The following ARID1A variants were observed in gnomAD, a reference collection of about 807,000 sequenced individuals.
The protein encoded by ARID1A is AT-rich interactive domain-containing protein 1A.
In ARID1A, 20 loss-of-function variants were observed where a neutral mutation model predicts 212.6. The ratio of observed to expected loss-of-function variants is 0.09; its 90% CI spans 0.07 to 0.14. The LOEUF is 0.14. Among genes scored for constraint, ARID1A ranks in the 10% least tolerant of loss-of-function variants. ARID1A has a pLI of 1.00. For synonymous variants in ARID1A, 1,376 were observed against 1,222.1 expected (o/e 1.13, Z -2.63); for missense variants, 2,587 against 3,059.0 (o/e 0.85, Z 3.64).
At chr1:26,701,631 T>G (rs1488111995) in intron 1 of ARID1A, among the ~76,000 whole-genome samples, 2 of 152,218 alleles carry the variant, frequency 1.3e-5, no homozygotes, top group Admixed American at 1.3e-4. Flanking sequence ...GCCTTCTCAC[T>G]CTAAGATGCT....
intron 4 of ARID1A, among the ~76,000 whole-genome samples, chr1:26,743,550 A>G (rs775036096): frequency 9.2e-5 from 14 of 151,948 alleles, no homozygotes; most frequent in South Asian, 2.1e-4. Context: ...AAATTAGAAC[A>G]TTTGGCTGGG....
intron 1 of ARID1A, among the ~76,000 whole-genome samples, chr1:26,698,601 C>T (rs2124747430): frequency 6.6e-6 from 1 of 152,326 alleles, no homozygotes; most frequent in East Asian, 1.9e-4. Context: ...TTTTATGCAG[C>T]CTGAAATGAA....
At chr1:26,707,395 G>T (rs1210000884) in intron 1 of ARID1A, among the ~76,000 whole-genome samples, 1 of 151,896 alleles carries the variant, frequency 6.6e-6, no homozygotes, top group African/African-American at 2.4e-5. Context: ...TTTTAGTAGA[G>T]ATGGGGTTTC....
At chr1:26,762,583 A>G (rs970568202) in intron 7 of ARID1A, among the ~76,000 whole-genome samples, 6 of 152,224 alleles carry the variant, frequency 3.9e-5, no homozygotes, top group African/African-American at 1.4e-4. Flanking sequence ...ACCATTGAGC[A>G]CAGACAATTT....
At chr1:26,725,537 A>G (rs1557588812) in intron 1 of ARID1A, among the ~76,000 whole-genome samples, 1 of 152,210 alleles carries the variant, frequency 6.6e-6, no homozygotes, top group Non-Finnish European at 1.5e-5. Flanking sequence ...AATAAGCTGC[A>G]TATTCTGTTG....
chr1:26,744,157 T>C (rs2080815000), intron 4 of ARID1A, among the ~76,000 whole-genome samples: 1 of 152,216 alleles, frequency 6.6e-6, no homozygotes, highest in African/African-American at 2.4e-5. Flanking sequence ...TCTAGAACGC[T>C]GGTTCTCTGG....
At chr1:26,754,273 A>T (rs2080909362) in intron 4 of ARID1A, among the ~76,000 whole-genome samples, 1 of 152,186 alleles carries the variant, frequency 6.6e-6, no homozygotes, top group African/African-American at 2.4e-5. Flanking sequence ...TAATAAAAGG[A>T]TGTGGAGCTG....
intron 1 of ARID1A, among the ~76,000 whole-genome samples, chr1:26,700,890 G>T (rs756462858): frequency 2.8e-4 from 42 of 152,340 alleles, no homozygotes; most frequent in Admixed American, 1.2e-3. Context: ...TCATGAGAGA[G>T]CTGGGGTGAT....
chr1:26,742,156 A>T (rs1039772804), intron 4 of ARID1A, among the ~76,000 whole-genome samples: 5 of 152,216 alleles, frequency 3.3e-5, no homozygotes, highest in African/African-American at 4.8e-5. Context: ...CTTCATTTTT[A>T]GGCAAAAAAC....
At chr1:26,699,385 A>C (rs1245954017) in intron 1 of ARID1A, among the ~76,000 whole-genome samples, 1 of 152,188 alleles carries the variant, frequency 6.6e-6, no homozygotes, top group Non-Finnish European at 1.5e-5. Flanking sequence ...AAGAGGGGGA[A>C]GCTCCATTCA....
At chr1:26,777,671 G>A (rs1171581354) in intron 19 of ARID1A, among the ~76,000 whole-genome samples, 4 of 152,144 alleles carry the variant, frequency 2.6e-5, no homozygotes, top group African/African-American at 9.7e-5. Flanking sequence ...AGTGGCTCAC[G>A]CCTGTAATCC....
At chr1:26,752,087 G>A (rs537895587) in intron 4 of ARID1A, among the ~76,000 whole-genome samples, 25 of 152,278 alleles carry the variant, frequency 1.6e-4, no homozygotes, top group African/African-American at 5.8e-4. Flanking sequence ...CCAAACCATG[G>A]AGGTAGTCCA....
chr1:26,733,794 T>C (rs1178681858), intron 4 of ARID1A, among the ~76,000 whole-genome samples: 1 of 152,360 alleles, frequency 6.6e-6, no homozygotes, highest in Non-Finnish European at 1.5e-5. Flanking sequence ...AAGAATCTTT[T>C]GGAATTTTGA....
At chr1:26,699,958 T>G (rs116435550) in intron 1 of ARID1A, among the ~76,000 whole-genome samples, 294 of 152,332 alleles carry the variant, frequency 1.9e-3, no homozygotes, top group African/African-American at 6.8e-3. Flanking sequence ...CCTGTTTGGA[T>G]GCCTGTCTGT....
In ARID1A at chr1:26,696,686, G is replaced by T. The variant is rs2124741135; in HGVS notation, c.283G>T (p.Gly95Cys). The change falls in exon 1 of 20, where the codon GGC (glycine) becomes TGC (cysteine). Residue 95 changes from glycine to cysteine, a missense_variant. Physicochemically the swap from Gly to Cys is radical, Grantham distance 159. Around this residue, in one of 11 missense-constraint regions of ARID1A, gnomAD observed 735 missense variants for 590.6 expected, o/e 1.24. Coordinates refer to ENST00000324856, the MANE Select transcript of ARID1A (RefSeq NM_006015.6). Reference sequence around the variant, plus strand: ...CGGAGCCGGCAGCGGCGGCGGGCCCGGCGCGGAGCCGGACCTGAAGAACTC... The same window carrying T: ...CGGAGCCGGCAGCGGCGGCGGGCCCTGCGCGGAGCCGGACCTGAAGAACTC... ...GGGAGSGGGP[G>C]AEPDLKNSNG... 2 of 1,321,878 alleles carry T rather than the reference G, an allele frequency of 1.5e-6. No homozygotes were observed. The highest frequency in any genetic ancestry group is 9.6e-7 in the Non-Finnish European group (1 of 1,037,286). 81.9% of individuals were successfully genotyped at this position (1,321,878 alleles called of 1,614,324 possible). A position where few individuals can be genotyped will look rare whatever the true frequency, so the allele number is the denominator to read the frequency against.
intron 1 of ARID1A, among the ~76,000 whole-genome samples, chr1:26,707,485 GCA>G (rs2124758505): frequency 6.6e-6 from 1 of 152,122 alleles, no homozygotes; most frequent in African/African-American, 2.4e-5. Context: ...GGGATTACAG[GCA>G]TAAGCCACCA....
Position 26,771,347 on chromosome 1 carries a change from C to G in ARID1A, c.3406+21C>G, listed in dbSNP as rs926773546. On this transcript the variant is annotated intron_variant, in intron 12 of 19. Transcript: ENST00000324856. The surrounding 1 kb of genome is among the most constrained non-coding windows in gnomAD (Gnocchi z 5.4). ...TCCTGGTAAGGATGGGGTCAGCGGC[C>G]CCACCAAGGCTGAGAGGGCCTGTTG... 3.7e-6 allele frequency: 6 copies of G among 1,611,328 alleles called. No individual in the cohort carries two copies. The highest frequency in any genetic ancestry group is 5.1e-6 in the Non-Finnish European group (6 of 1,177,796).
intron 1 of ARID1A, among the ~76,000 whole-genome samples, chr1:26,704,392 TAAAAC>T (rs1405179508): frequency 6.6e-6 from 1 of 152,084 alleles, no homozygotes; most frequent in Non-Finnish European, 1.5e-5. Flanking sequence ...TGACCTTTCT[TAAAAC>T]AAGAGCCACG....
At chr1:26,763,790 T>G (rs975486120) in intron 8 of ARID1A, among the ~76,000 whole-genome samples, 10 of 151,892 alleles carry the variant, frequency 6.6e-5, no homozygotes, top group African/African-American at 2.2e-4. Context: ...GTGGGGTGTT[T>G]TATTTTGGGG....
Sources: allele counts gnomAD v4.1 joint callset (sites outside exome capture counted in the v4.1 genomes callset), GRCh38; gene constraint gnomAD v4.1.1; regional missense constraint gnomAD v4.1.1; non-coding constraint Gnocchi (gnomAD v3.1); transcripts MANE v1.5; gene names NCBI Gene and HGNC (gene_info 2026-07-23, HGNC 2026-07-21).